The following GRK4 variants were observed in gnomAD, a reference collection of about 807,000 sequenced individuals.
GRK4 encodes the protein G protein-coupled receptor kinase 4, also known as G protein-coupled receptor kinase 2-like.
Under a neutral mutation model 77.9 loss-of-function variants are expected in GRK4, and 73 were observed. That is an observed-to-expected ratio of 0.94 (90% confidence interval 0.78 to 1.14). The LOEUF is 1.14. Ranked by LOEUF, GRK4 falls within the 50% of genes most tolerant of loss-of-function variation. The pLI, the probability that GRK4 is intolerant of heterozygous loss-of-function variation, is 0.00. For missense variants in GRK4, 729 were observed against 700.2 expected, an observed-to-expected ratio of 1.04 and a Z score of -0.46; for synonymous variants, 257 against 254.4, an observed-to-expected ratio of 1.01 and a Z score of -0.10.
intron 7 of GRK4, 69 bp from the exon 8 acceptor site, chr4:3,013,619 A>G: frequency 6.5e-7 from 1 of 1,536,310 alleles, no homozygotes; most frequent in Non-Finnish European, 8.8e-7. Flanking sequence ...TCAAGCAAAG[A>G]GCTTCCTTTG....
At chr4:2,984,727 AT>A (rs1474583214) in intron 2 of GRK4, 119 bp downstream of exon 2, 5 of 470,130 alleles carry the variant, frequency 1.1e-5, no homozygotes, top group Admixed American at 4.3e-5. Context: ...AATTCTCCTT[AT>A]ATCTTCATGA....
chr4:2,996,586 A>C (rs1344943308), intron 4 of GRK4, among the ~76,000 whole-genome samples: 1 of 151,846 alleles, frequency 6.6e-6, no homozygotes, highest in African/African-American at 2.4e-5. Context: ...TAATGGTCCT[A>C]CCTCCCAATA....
chr4:3,021,235 A>G (rs1735986576), intron 9 of GRK4, among the ~76,000 whole-genome samples: 1 of 152,058 alleles, frequency 6.6e-6, no homozygotes. Flanking sequence ...GTACCTTTGC[A>G]CAAGGTGTTC....
At chr4:2,997,908 CAAAA>C (rs34665052) in intron 4 of GRK4, among the ~76,000 whole-genome samples, 1 of 108,728 alleles carries the variant, frequency 9.2e-6, no homozygotes. Context: ...ACTCCATCTC[CAAAA>C]AAAAAAAAAA....
intron 4 of GRK4, among the ~76,000 whole-genome samples, chr4:2,995,240 A>G (rs1727448157): frequency 6.6e-6 from 1 of 152,216 alleles, no homozygotes; most frequent in South Asian, 2.1e-4. Flanking sequence ...GTTGCAATGA[A>G]CATATGCGTG....
At chr4:3,040,060 G>C (rs1291141094) in intron 15 of GRK4, among the ~76,000 whole-genome samples, 3 of 152,192 alleles carry the variant, frequency 2.0e-5, no homozygotes, top group African/African-American at 7.2e-5. Context: ...CTTACCTGCT[G>C]CATTTCCTAT....
intron 1 of GRK4, among the ~76,000 whole-genome samples, chr4:2,972,370 C>T (rs549868525): frequency 6.6e-6 from 1 of 152,298 alleles, no homozygotes; most frequent in South Asian, 2.1e-4. Flanking sequence ...GACAGCATAG[C>T]CGGCCCACCT....
chr4:3,010,863 A>G (rs1331296890), intron 7 of GRK4, among the ~76,000 whole-genome samples: 1 of 152,168 alleles, frequency 6.6e-6, no homozygotes, highest in Non-Finnish European at 1.5e-5. Context: ...CTGCACCTAT[A>G]TCTGTTATGC....
At chr4:2,976,261 C>G (rs1254987809) in intron 1 of GRK4, among the ~76,000 whole-genome samples, 1 of 150,882 alleles carries the variant, frequency 6.6e-6, no homozygotes, top group Admixed American at 6.6e-5. Context: ...TTCACAGGCT[C>G]TTGTCTGTTG....
chr4:3,007,829 G>T lies in GRK4; in HGVS notation c.536+1G>T, dbSNP rs779797302. The T allele has an allele frequency of 1.2e-6, 2 of 1,601,520 alleles. No homozygotes were observed. The highest frequency in any genetic ancestry group is 1.7e-6 in the Non-Finnish European group (2 of 1,171,954). ...TTTTACAATGGAAATGGCTGGAAAG[G>T]TATGTACTGATTTTAAACTTGATAA... is the stretch of plus-strand genomic sequence containing the variant. On this transcript the variant is annotated splice_donor_variant, in intron 6 of 15. Transcript: ENST00000398052. LOFTEE classifies it high-confidence loss of function.
rs745989304 is a variant in GRK4, at chr4:3,013,815, A to G, written c.728A>G (p.Gln243Arg). 49 of 1,609,456 alleles carry G rather than the reference A, an allele frequency of 3.0e-5. No homozygotes were observed. Among genetic ancestry groups the G allele is most frequent in the Admixed American group, 2.5e-4 (15 of 58,872 alleles). Reference sequence around the variant, plus strand: ...GAGAAAAGAATTCTGGAGAAAGTGCAAAGTAGATTCGTAGTAAGTGTCTCC... The same window carrying G: ...GAGAAAAGAATTCTGGAGAAAGTGCGAAGTAGATTCGTAGTAAGTGTCTCC... ...LNEKRILEKV[Q>R]SRFVVSLAYA... The change falls in exon 8 of 16, where the codon CAA (glutamine) becomes CGA (arginine). Residue 243 changes from glutamine to arginine, a missense_variant. Coordinates refer to ENST00000398052, the MANE Select transcript of GRK4 (RefSeq NM_182982.3).
chr4:2,965,846 G>T, intron 1 of GRK4: 1 of 232,160 alleles, frequency 4.3e-6, no homozygotes, highest in Non-Finnish European at 8.7e-6. Flanking sequence ...TTTCAGTGGA[G>T]CATTTGACTG....
intron 9 of GRK4, 131 bp from the exon 10 acceptor site, chr4:3,022,283 C>G: frequency 1.1e-5 from 8 of 723,156 alleles, no homozygotes; most frequent in Non-Finnish European, 1.7e-5. Context: ...GCCTGTTTGC[C>G]GTGGCTCATG....
chr4:2,999,721 A>C (rs1346696066), intron 4 of GRK4, among the ~76,000 whole-genome samples: 3 of 152,194 alleles, frequency 2.0e-5, no homozygotes, highest in Non-Finnish European at 2.9e-5. Context: ...CCTTGAAATT[A>C]GGCAGTGACT....
At chr4:2,985,556 A>C (rs754949365) in intron 2 of GRK4, among the ~76,000 whole-genome samples, 1 of 151,994 alleles carries the variant, frequency 6.6e-6, no homozygotes, top group East Asian at 1.9e-4. Context: ...AAAATTAATG[A>C]GGGAAAGAAA....
chr4:2,973,422 C>T (rs1720163553), intron 1 of GRK4, among the ~76,000 whole-genome samples: 1 of 152,156 alleles, frequency 6.6e-6, no homozygotes, highest in Non-Finnish European at 1.5e-5. Context: ...GGCTGGGCCT[C>T]TCCACTCAAC....
At chr4:2,973,936 C>A (rs1235783404) in intron 1 of GRK4, among the ~76,000 whole-genome samples, 3 of 152,252 alleles carry the variant, frequency 2.0e-5, no homozygotes, top group Non-Finnish European at 2.9e-5. Flanking sequence ...CACACGGTTT[C>A]CTCTGTCTCT....
In GRK4 at chr4:3,022,445, G is replaced by T. The variant is rs757146816; in HGVS notation, c.964G>T (p.Asp322Tyr). 11 of 1,613,840 alleles carry T rather than the reference G, an allele frequency of 6.8e-6. No individual in the cohort carries two copies. In the South Asian group the frequency reaches 1.2e-4, roughly 18 times the overall value. Residue 322 changes from aspartate (D) to tyrosine (Y), a missense_variant, in exon 10 of 16, where the codon GAT (aspartate) becomes TAT (tyrosine). Coordinates refer to ENST00000398052, the MANE Select transcript of GRK4 (RefSeq NM_182982.3). ...GAAGCCTGAGAATATTCTCCTTGATGATCGTGGTAAGTGGGCAAGCCTTTC... is the reference window on the plus strand; with the variant it reads ...GAAGCCTGAGAATATTCTCCTTGATTATCGTGGTAAGTGGGCAAGCCTTTC... ...DLKPENILLD[D>Y]RGHIRISDLG...
At position 3,021,548 on chromosome 4, in the gene GRK4, T is replaced by G. The variant is rs3796468; in HGVS notation, c.933-866T>G. ...AAGGACCAGAGACCAGGCTTGGCAG[T>G]GGGGCTGACACCTCCGCACCTTGAG... On this transcript the variant is annotated intron_variant, in intron 9 of 15. Coordinates refer to ENST00000398052, the MANE Select transcript of GRK4 (RefSeq NM_182982.3). Among the ~76,000 whole-genome samples the G allele has an allele frequency of 2.1e-3, 316 of 152,264 alleles. 11 individuals carry two copies. In the East Asian group the frequency reaches 0.057, roughly 27 times the overall value.
Sources: allele counts gnomAD v4.1 joint callset (sites outside exome capture counted in the v4.1 genomes callset), GRCh38; gene constraint gnomAD v4.1.1; transcripts MANE v1.5; gene names NCBI Gene and HGNC (gene_info 2026-07-23, HGNC 2026-07-21).